ACTR3C: variants seen among roughly 807,000 people sequenced by gnomAD.
ACTR3C encodes actin related protein 3C, also known as actin-related protein 3C.
Under a neutral mutation model 26.3 loss-of-function variants are expected in ACTR3C, and 18 were observed. That is an observed-to-expected ratio of 0.68 (90% CI 0.47 to 1.01). ACTR3C has a LOEUF of 1.01. ACTR3C is among the 50% of genes least tolerant of loss of function. ACTR3C has a pLI of 0.00. For synonymous variants in ACTR3C, 55 were observed against 94.5 expected (o/e 0.58, Z 2.42); for missense variants, 184 against 250.7 (o/e 0.73, Z 1.80).
chr7:150,208,494 G>C, the ACTR3C span, among the ~76,000 whole-genome samples: 3 of 152,004 alleles, frequency 2.0e-5, no homozygotes, highest in South Asian at 6.2e-4. Context: ...CATGATTCAT[G>C]GACATTTCAT....
At chr7:150,152,119 A>G in the ACTR3C span, among the ~76,000 whole-genome samples, 1 of 151,998 alleles carries the variant, frequency 6.6e-6, no homozygotes, top group Non-Finnish European at 1.5e-5. Context: ...TTCCTAATTG[A>G]ATACCCTTTA....
chr7:150,310,384 T>A (rs1796200783), intron 1 of ACTR3C, among the ~76,000 whole-genome samples: 1 of 152,150 alleles, frequency 6.6e-6, no homozygotes, highest in Non-Finnish European at 1.5e-5. Context: ...CTATTATCAC[T>A]TGCCTGTTAC....
At chr7:150,005,358 G>A in the ACTR3C span, among the ~76,000 whole-genome samples, 218 of 152,230 alleles carry the variant, frequency 1.4e-3, 2 homozygotes, top group Admixed American at 3.6e-3. Flanking sequence ...ACCACCAAGG[G>A]TCAGCCAGCC....
At chr7:150,158,967 G>T in the ACTR3C span, among the ~76,000 whole-genome samples, 1 of 67,772 alleles carries the variant, frequency 1.5e-5, no homozygotes, top group Non-Finnish European at 2.7e-5. Flanking sequence ...ACACACGTGC[G>T]CACACACAGG....
chr7:150,283,916 C>T (rs994089409), intron 6 of ACTR3C, among the ~76,000 whole-genome samples: 3 of 150,368 alleles, frequency 2.0e-5, no homozygotes, highest in African/African-American at 7.5e-5. Flanking sequence ...CCATCTCAGG[C>T]TGTCAGTAGG....
downstream of ACTR3C, among the ~76,000 whole-genome samples, chr7:150,242,221 A>G (rs570621367): frequency 6.2e-4 from 94 of 151,554 alleles, no homozygotes; most frequent in South Asian, 1.7e-3. Flanking sequence ...GTCTCAAAAA[A>G]AAAAAAATGT....
chr7:149,904,417 C>T, the ACTR3C span, among the ~76,000 whole-genome samples: 1 of 151,300 alleles, frequency 6.6e-6, no homozygotes, highest in Non-Finnish European at 1.5e-5. Flanking sequence ...GTAGTCCCAA[C>T]TACTCGGGAG....
chr7:150,178,858 A>G, the ACTR3C span, among the ~76,000 whole-genome samples: 1 of 150,868 alleles, frequency 6.6e-6, no homozygotes, highest in Non-Finnish European at 1.5e-5. Context: ...AATTCTTTTT[A>G]TCCAACTCTT....
chr7:150,282,528 A>G (rs144091816), intron 6 of ACTR3C, among the ~76,000 whole-genome samples: 13,960 of 121,892 alleles, frequency 0.11, 1,247 homozygotes, highest in African/African-American at 0.29. Context: ...TCAATCCTAC[A>G]TGAATTCTCT....
the ACTR3C span, among the ~76,000 whole-genome samples, chr7:150,017,536 G>C: frequency 6.7e-6 from 1 of 150,158 alleles, no homozygotes; most frequent in Non-Finnish European, 1.5e-5. Context: ...CAGGAACATC[G>C]AAGGGTCCAT....
chr7:150,237,238 G>C, the ACTR3C span, among the ~76,000 whole-genome samples: 5 of 152,116 alleles, frequency 3.3e-5, no homozygotes, highest in East Asian at 7.8e-4. Flanking sequence ...ACTCTGTTGG[G>C]GCCCTGCCCA....
rs111244711 is a variant in ACTR3C at position 150,264,938 on chromosome 7, A to G, written c.565-15884T>C. 7,565 of 874,850 alleles carry G rather than the reference A, an allele frequency of 8.6e-3. 179 individuals are homozygous for G. The African/African-American group carries it at 0.13, about 15-fold the overall frequency. 54.2% of individuals were successfully genotyped at this position (874,850 alleles called of 1,614,324 possible). The stretch of plus-strand genomic sequence containing the variant: ...ACAAATACAATCAGACTCACATTAA[A>G]TCCTTGGAGTGATACCCGAACTGAA... On this transcript the variant is annotated intron_variant, in intron 6 of 7. Coordinates refer to ENST00000683684, the MANE Select transcript of ACTR3C (RefSeq NM_001164458.2).
the ACTR3C span, among the ~76,000 whole-genome samples, chr7:150,162,551 G>A: frequency 1.3e-5 from 2 of 152,104 alleles, no homozygotes; most frequent in Admixed American, 6.5e-5. Flanking sequence ...TCTTGACCTT[G>A]TGATTCGCCC....
At chr7:149,904,890 G>C in the ACTR3C span, among the ~76,000 whole-genome samples, 68,666 of 150,562 alleles carry the variant, frequency 0.46, 18,283 homozygotes, top group South Asian at 0.73. Context: ...GCTGGACGTG[G>C]TGGTGGGCGC....
intron 1 of ACTR3C, among the ~76,000 whole-genome samples, chr7:150,314,778 A>G (rs1485038241): frequency 2.0e-5 from 3 of 149,188 alleles, no homozygotes; most frequent in Admixed American, 1.3e-4. Flanking sequence ...CTCCAAAAAA[A>G]AAAAAAAAAC....
the ACTR3C span, among the ~76,000 whole-genome samples, chr7:150,146,807 A>G: frequency 1.3e-5 from 2 of 152,238 alleles, no homozygotes; most frequent in East Asian, 3.8e-4. Context: ...TCTGAAGGCC[A>G]TCTGCTAAAT....
At chr7:150,064,048 C>T in the ACTR3C span, among the ~76,000 whole-genome samples, 2 of 151,876 alleles carry the variant, frequency 1.3e-5, no homozygotes, top group Non-Finnish European at 2.9e-5. Context: ...CATTTCCAAT[C>T]GTACTTCCAG....
At chr7:150,315,685 G>A (rs1282266537) in intron 1 of ACTR3C, among the ~76,000 whole-genome samples, 1 of 152,036 alleles carries the variant, frequency 6.6e-6, no homozygotes, top group East Asian at 1.9e-4. Flanking sequence ...CCCCTCCCTG[G>A]GTCATTGTTA....
the ACTR3C span, among the ~76,000 whole-genome samples, chr7:150,035,293 TCC>T: frequency 0.012 from 454 of 38,872 alleles, 38 homozygotes; most frequent in East Asian, 0.02. Flanking sequence ...GGAGAGTGCC[TCC>T]CCCCCCTTGC....
Sources: allele counts gnomAD v4.1 joint callset (sites outside exome capture counted in the v4.1 genomes callset), GRCh38; gene constraint gnomAD v4.1.1; transcripts MANE v1.5; gene names NCBI Gene and HGNC (gene_info 2026-07-23, HGNC 2026-07-21).